AQP2: variants seen among roughly 807,000 people sequenced by gnomAD.
The protein encoded by AQP2 is aquaporin 2.
Under a neutral mutation model 21.6 loss-of-function variants are expected in AQP2, and 20 were observed. The ratio of observed to expected loss-of-function variants is 0.92; its 90% CI spans 0.65 to 1.34. The LOEUF is 1.34. AQP2 is among the 40% of genes most tolerant of loss of function. The pLI is 0.00. For synonymous variants in AQP2, 168 were observed against 166.9 expected (o/e 1.01, Z -0.05); for missense variants, 325 against 363.4 (o/e 0.89, Z 0.86).
rs1350595895 is a variant in AQP2 at position 49,957,472 on chromosome 12, A to G, written c.*1864A>G. ...GTATCTATCTCACACTGCACCAAGC[A>G]CCCACTGTGCACCAGGCACTAAGTC... On this transcript the variant is annotated 3_prime_UTR_variant, in exon 4 of 4. Transcript: ENST00000199280. 6.6e-6 allele frequency: 1 copy of G among 152,174 alleles called. No homozygotes were observed. The highest frequency in any genetic ancestry group is 1.5e-5 in the Non-Finnish European group (1 of 68,138). The allele number at this position is 152,174 out of a possible 1,614,324, so 9.4% of individuals were successfully genotyped here.
intron 1 of AQP2, chr12:49,952,025 C>T (rs1008746905): frequency 2.0e-5 from 3 of 152,266 alleles, no homozygotes; most frequent in Non-Finnish European, 4.4e-5. Context: ...GTCCTGATGT[C>T]TTTGATGAGT....
In AQP2 at chr12:49,958,711, C is replaced by T. The variant is rs900442554; in HGVS notation, c.*3103C>T. The T allele has an allele frequency of 1.3e-5, 2 of 152,186 alleles. No homozygotes were observed. Among genetic ancestry groups the T allele is most frequent in the African/African-American group, 4.8e-5 (2 of 41,438 alleles). The allele number at this position is 152,186 out of a possible 1,614,324, so 9.4% of individuals were successfully genotyped here. ...GCACCTGCAAATGGTGCTTCAATGT[C>T]GTTTTGTATCTTTAAGCTGTGATGT... On this transcript the variant is annotated 3_prime_UTR_variant, in exon 4 of 4. Coordinates refer to ENST00000199280, the MANE Select transcript of AQP2 (RefSeq NM_000486.6).
chr12:49,952,584 C>T (rs752499153), intron 1 of AQP2, among the ~76,000 whole-genome samples: 1 of 152,206 alleles, frequency 6.6e-6, no homozygotes, highest in Non-Finnish European at 1.5e-5. Context: ...ACCAGGAAGT[C>T]CTTCTCTAAT....
rs992213194 is a variant in AQP2, at chr12:49,957,829, T to A, written c.*2221T>A. 1 of 152,210 alleles carries A rather than the reference T, an allele frequency of 6.6e-6. No homozygotes were observed. Among genetic ancestry groups the A allele is most frequent in the Non-Finnish European group, 1.5e-5 (1 of 68,056 alleles). 9.4% of individuals were successfully genotyped at this position (152,210 alleles called of 1,614,324 possible). On this transcript the variant is annotated 3_prime_UTR_variant, in exon 4 of 4. Coordinates refer to ENST00000199280, the MANE Select transcript of AQP2 (RefSeq NM_000486.6). ...CAGTGAGCTATGAGCCCAGCATGGATGTGTCTCAGGCACCTCATCCCCACC... is the reference window on the plus strand; with the variant it reads ...CAGTGAGCTATGAGCCCAGCATGGAAGTGTCTCAGGCACCTCATCCCCACC...
chr12:49,955,308 G>C, intron 3 of AQP2, 91 bp from the exon 4 acceptor site: 1 of 1,262,580 alleles, frequency 7.9e-7, no homozygotes, highest in Non-Finnish European at 1.1e-6. Flanking sequence ...GGGGAGGAGA[G>C]GTGCGGCCGC....
At chr12:49,952,577 A>T (rs1223900460) in intron 1 of AQP2, among the ~76,000 whole-genome samples, 2 of 152,228 alleles carry the variant, frequency 1.3e-5, no homozygotes, top group African/African-American at 2.4e-5. Flanking sequence ...GAGCATGACC[A>T]GGAAGTCCTT....
Position 49,957,479 on chromosome 12 carries a change from G to A in AQP2, c.*1871G>A, listed in dbSNP as rs1234435299. ...TCTCACACTGCACCAAGCACCCACT[G>A]TGCACCAGGCACTAAGTCTCTAGCC... is the stretch of plus-strand genomic sequence containing the variant. On this transcript the variant is annotated 3_prime_UTR_variant, in exon 4 of 4. Transcript: ENST00000199280. 1 of 152,262 alleles carries A rather than the reference G, an allele frequency of 6.6e-6. No individual in the cohort carries two copies. Among genetic ancestry groups the A allele is most frequent in the East Asian group, 1.9e-4 (1 of 5,204 alleles). 9.4% of individuals were successfully genotyped at this position (152,262 alleles called of 1,614,324 possible). A position where few individuals can be genotyped will look rare whatever the true frequency, so the allele number is the denominator to read the frequency against.
In AQP2 at chr12:49,957,046, A is replaced by G. The variant is rs1040305364; in HGVS notation, c.*1438A>G. On this transcript the variant is annotated 3_prime_UTR_variant, in exon 4 of 4. Coordinates refer to ENST00000199280, the MANE Select transcript of AQP2 (RefSeq NM_000486.6). The stretch of plus-strand genomic sequence containing the variant: ...ATTAAGTGAGATGACGCATGTAAAG[A>G]TGCTGTGTAAACTGTAATTCTTAAT... The G allele has an allele frequency of 1.3e-5, 2 of 152,794 alleles. No homozygotes were observed. Among genetic ancestry groups the G allele is most frequent in the South Asian group, 4.1e-4 (2 of 4,832 alleles). 9.5% of individuals were successfully genotyped at this position (152,794 alleles called of 1,614,324 possible).
In AQP2 at chr12:49,950,794, C is replaced by T. The variant is rs758221908; in HGVS notation, c.-37C>T. On this transcript the variant is annotated 5_prime_UTR_variant, in exon 1 of 4. Coordinates refer to ENST00000199280, the MANE Select transcript of AQP2 (RefSeq NM_000486.6). ...AGCGAGTGCCCGGAGCATCCTGGCC[C>T]TGAGACAGCTGGGCCAGCCCCGCAG... The T allele has an allele frequency of 1.3e-6, 2 of 1,595,502 alleles. No individual in the cohort carries two copies. The highest frequency in any genetic ancestry group is 1.1e-5 in the South Asian group (1 of 90,644).
At chr12:49,954,395 C>T (rs1253388578) in intron 2 of AQP2, 76 bp downstream of exon 2, 1 of 1,489,152 alleles carries the variant, frequency 6.7e-7, no homozygotes, top group Non-Finnish European at 9.2e-7. Context: ...ACACAGAGAC[C>T]CCAAGAGGGA....
intron 1 of AQP2, among the ~76,000 whole-genome samples, chr12:49,953,599 G>C (rs962034090): frequency 6.6e-6 from 1 of 152,214 alleles, no homozygotes; most frequent in Non-Finnish European, 1.5e-5. Flanking sequence ...AATAGACAAG[G>C]GTTAGGGAAA....
intron 3 of AQP2, 82 bp from the exon 4 acceptor site, chr12:49,955,317 G>A (rs1947358569): frequency 7.2e-7 from 1 of 1,390,914 alleles, no homozygotes; most frequent in Non-Finnish European, 9.8e-7. Context: ...AGGTGCGGCC[G>A]CAGAGTGTGC....
Position 49,951,748 on chromosome 12 carries a change from A to T in AQP2, c.360+558A>T, listed in dbSNP as rs1002437681. The T allele has an allele frequency of 6.5e-4, 100 of 152,944 alleles. 1 individual carries two copies. Among genetic ancestry groups the T allele is most frequent in the Middle Eastern group, 6.8e-3 (2 of 294 alleles). The allele number at this position is 152,944 out of a possible 1,614,324, so 9.5% of individuals were successfully genotyped here. On this transcript the variant is annotated intron_variant, in intron 1 of 3. Transcript: ENST00000199280. Reference sequence around the variant, plus strand: ...AGCCCATAAGCTGGCTGCTGATTACATGATACAGGCGCTAACTGGGCCCCG... The same window carrying T: ...AGCCCATAAGCTGGCTGCTGATTACTTGATACAGGCGCTAACTGGGCCCCG...
chr12:49,955,678 C>G lies in AQP2; in HGVS notation c.*70C>G. The G allele has an allele frequency of 6.7e-7, 1 of 1,503,452 alleles. No individual in the cohort carries two copies. The highest frequency in any genetic ancestry group is 8.9e-7 in the Non-Finnish European group (1 of 1,119,718). 93.1% of individuals were successfully genotyped at this position (1,503,452 alleles called of 1,614,324 possible). ...CCGAGGCAGAAGGGCCCACCCCGTC[C>G]CTCCTCTCCCGCAGGTCTGAAGTTG... On this transcript the variant is annotated 3_prime_UTR_variant, in exon 4 of 4. Transcript: ENST00000199280.
Position 49,950,780 on chromosome 12 carries a change from G to A in AQP2, c.-51G>A, listed in dbSNP as rs374778728. ...CGATAGAGTGCGAGAGCGAGTGCCC[G>A]GAGCATCCTGGCCCTGAGACAGCTG... On this transcript the variant is annotated 5_prime_UTR_variant, in exon 1 of 4. Transcript: ENST00000199280. 7.7e-5 allele frequency: 122 copies of A among 1,585,428 alleles called. 3 individuals are homozygous for A. The South Asian group carries it at 1.1e-3, about 14-fold the overall frequency.
At chr12:49,951,371 T>G in intron 1 of AQP2, 181 bp downstream of exon 1, 1 of 838,604 alleles carries the variant, frequency 1.2e-6, no homozygotes, top group Non-Finnish European at 1.8e-6. Flanking sequence ...GGAGCAATGA[T>G]ACCAGAGCAA....
Position 49,955,661 on chromosome 12 carries a change from GA to G in AQP2, c.*55del. 6.6e-7 allele frequency: 1 copy of G among 1,524,014 alleles called. No homozygotes were observed. The highest frequency in any genetic ancestry group is 2.0e-5 in the Admixed American group (1 of 50,966). The allele number at this position is 1,524,014 out of a possible 1,614,324, so 94.4% of individuals were successfully genotyped here. ...ACGGACGCTTGTGAGGCCCGAGGCA[GA>G]AGGGCCCACCCCGTCCCTCCTCTCC... On this transcript the variant is annotated 3_prime_UTR_variant, in exon 4 of 4. Transcript: ENST00000199280.
Position 49,955,968 on chromosome 12 carries a change from T to G in AQP2, c.*360T>G. ...ACTGAGTGGGGAGTGTACAGACCCC[T>G]GCCTTGGGGGTTCCGGGAATGATGC... is the stretch of plus-strand genomic sequence containing the variant. On this transcript the variant is annotated 3_prime_UTR_variant, in exon 4 of 4. Transcript: ENST00000199280. 1 of 463,584 alleles carries G rather than the reference T, an allele frequency of 2.2e-6. No homozygotes were observed. Among genetic ancestry groups the G allele is most frequent in the Non-Finnish European group, 4.0e-6 (1 of 252,228 alleles). 28.7% of individuals were successfully genotyped at this position (463,584 alleles called of 1,614,324 possible). A position where few individuals can be genotyped will look rare whatever the true frequency, so the allele number is the denominator to read the frequency against.
chr12:49,950,820 G>A lies in AQP2; in HGVS notation c.-11G>A. 3 of 1,607,272 alleles carry A rather than the reference G, an allele frequency of 1.9e-6. No homozygotes were observed. Among genetic ancestry groups the A allele is most frequent in the Non-Finnish European group, 2.6e-6 (3 of 1,175,148 alleles). ...TGAGACAGCTGGGCCAGCCCCGCAG[G>A]GCTCTGCAGCATGTGGGAGCTCCGC... On this transcript the variant is annotated 5_prime_UTR_variant, in exon 1 of 4. Coordinates refer to ENST00000199280, the MANE Select transcript of AQP2 (RefSeq NM_000486.6).
Sources: gnomAD v4.1 joint callset for allele counts (sites outside exome capture counted in the v4.1 genomes callset) on GRCh38, gnomAD v4.1.1 for gene constraint, MANE v1.5 for transcripts, NCBI Gene and HGNC (gene_info 2026-07-23, HGNC 2026-07-21) for gene names.